Variants in BPI observed in about 807,000 individuals in gnomAD.
BPI encodes the protein bactericidal permeability-increasing protein.
Under a neutral mutation model 57.6 loss-of-function variants are expected in BPI, and 48 were observed. The ratio of observed to expected loss-of-function variants is 0.83; its 90% CI spans 0.66 to 1.06. The LOEUF (loss-of-function observed/expected upper bound fraction) is 1.06, where lower values mean the gene tolerates loss of function less well. Among genes scored for constraint, BPI ranks in the 50% least tolerant of loss-of-function variants. BPI has a pLI of 0.00. For missense variants in BPI, 651 were observed against 609.7 expected, an observed-to-expected ratio of 1.07 and a Z score of -0.71; for synonymous variants, 237 against 238.2, an observed-to-expected ratio of 0.99 and a Z score of 0.05.
At chr20:38,304,789 G>A (rs1187312434) in intron 1 of BPI, among the ~76,000 whole-genome samples, 1 of 152,202 alleles carries the variant, frequency 6.6e-6, no homozygotes, top group Non-Finnish European at 1.5e-5. Context: ...GGGGCTGGCG[G>A]CCATACTGTG....
intron 10 of BPI, among the ~76,000 whole-genome samples, chr20:38,327,303 G>A (rs1339956136): frequency 6.6e-6 from 1 of 152,230 alleles, no homozygotes; most frequent in Non-Finnish European, 1.5e-5. Context: ...TAATGAATGA[G>A]GGATTGTGAG....
At position 38,304,165 on chromosome 20, in the gene BPI, CTCCCTGGT is replaced by C; in HGVS notation, c.-56_-49del. On this transcript the variant is annotated 5_prime_UTR_variant, in exon 1 of 15. Coordinates refer to ENST00000642449, the MANE Select transcript of BPI (RefSeq NM_001725.3). ...ATTTCCCCAGCCGACTCTTTTATAG[CTCCCTGGT>C]TCAACCTCAAGGCCTTGAGGTTTTG... is the stretch of plus-strand genomic sequence containing the variant. 6.2e-7 allele frequency: 1 copy of C among 1,607,358 alleles called. No homozygotes were observed. Among genetic ancestry groups the C allele is most frequent in the South Asian group, 1.1e-5 (1 of 90,932 alleles).
intron 11 of BPI, among the ~76,000 whole-genome samples, chr20:38,329,842 A>G (rs2076733718): frequency 6.6e-6 from 1 of 151,924 alleles, no homozygotes; most frequent in Non-Finnish European, 1.5e-5. Context: ...CCTCCCGTGT[A>G]GCTGGGACTA....
intron 5 of BPI, among the ~76,000 whole-genome samples, chr20:38,314,388 AGATT>A (rs2076639540): frequency 7.6e-6 from 1 of 132,198 alleles, no homozygotes; most frequent in African/African-American, 2.9e-5. Flanking sequence ...GGTGATGGTG[AGATT>A]GATGATGGTG....
chr20:38,309,162 A>G, intron 3 of BPI, 104 bp downstream of exon 3: 1 of 1,526,414 alleles, frequency 6.6e-7, no homozygotes, highest in Non-Finnish European at 9.0e-7. Flanking sequence ...CTTGCCTATT[A>G]CCACCTATAG....
intron 3 of BPI, 96 bp from the exon 4 acceptor site, chr20:38,310,395 G>A (rs1433384763): frequency 4.5e-5 from 65 of 1,437,914 alleles, no homozygotes; most frequent in Non-Finnish European, 4.5e-5. Flanking sequence ...CCTGGAGTGG[G>A]GATAATAACA....
rs1402032414 is a variant in BPI, at chr20:38,337,291, C to A, written c.*107C>A. On this transcript the variant is annotated 3_prime_UTR_variant, in exon 15 of 15. Coordinates refer to ENST00000642449, the MANE Select transcript of BPI (RefSeq NM_001725.3). ...CCTCTCCAGATCTTAACCAAGAGCC[C>A]CTTGCAAACTTCTTCGACTCAGATT... is the stretch of plus-strand genomic sequence containing the variant. The A allele has an allele frequency of 1.5e-5, 14 of 950,816 alleles. No individual in the cohort carries two copies. Among genetic ancestry groups the A allele is most frequent in the Non-Finnish European group, 1.6e-5 (10 of 634,952 alleles). The allele number at this position is 950,816 out of a possible 1,614,324, so 58.9% of individuals were successfully genotyped here.
chr20:38,313,735 G>A (rs1001958139), intron 5 of BPI, among the ~76,000 whole-genome samples: 3 of 151,870 alleles, frequency 2.0e-5, no homozygotes, highest in African/African-American at 7.3e-5. Flanking sequence ...TGATGGTGAT[G>A]GTGAGGATGA....
At chr20:38,336,935 T>G (rs1422620938) in intron 14 of BPI, among the ~76,000 whole-genome samples, 5 of 152,056 alleles carry the variant, frequency 3.3e-5, no homozygotes, top group African/African-American at 1.2e-4. Flanking sequence ...AGGAGGCAGC[T>G]TCCAGGGAAG....
intron 9 of BPI, 100 bp from the exon 10 acceptor site, chr20:38,326,165 G>T (rs1415104247): frequency 1.6e-6 from 2 of 1,218,310 alleles, no homozygotes; most frequent in African/African-American, 3.1e-5. Flanking sequence ...GCAATGGGAA[G>T]ACATTGAAGG....
chr20:38,337,464 T>C lies in BPI; in HGVS notation c.*280T>C. The stretch of plus-strand genomic sequence containing the variant: ...TCAATTGTAACCAAGAAATTTCCAT[T>C]TGTGCTTCATGAAAAAAAACTTCTG... On this transcript the variant is annotated 3_prime_UTR_variant, in exon 15 of 15. Coordinates refer to ENST00000642449, the MANE Select transcript of BPI (RefSeq NM_001725.3). 1 of 344,276 alleles carries C rather than the reference T, an allele frequency of 2.9e-6. No individual in the cohort carries two copies. The highest frequency in any genetic ancestry group is 5.2e-6 in the Non-Finnish European group (1 of 193,610). 21.3% of individuals were successfully genotyped at this position (344,276 alleles called of 1,614,324 possible). A position where few individuals can be genotyped will look rare whatever the true frequency, so the allele number is the denominator to read the frequency against.
intron 7 of BPI, among the ~76,000 whole-genome samples, chr20:38,322,720 C>T (rs1162441060): frequency 2.0e-5 from 3 of 152,198 alleles, no homozygotes; most frequent in Non-Finnish European, 4.4e-5. Context: ...AGGCGATTCT[C>T]CTGCTTCAGC....
chr20:38,313,313 G>A (rs576080679), intron 5 of BPI, among the ~76,000 whole-genome samples: 4 of 150,900 alleles, frequency 2.7e-5, no homozygotes, highest in East Asian at 2.0e-4. Context: ...AACTTGGGAG[G>A]TGGAGGTTGT....
At chr20:38,335,742 A>G (rs1600716223) in intron 14 of BPI, 68 bp downstream of exon 14, 1 of 1,469,548 alleles carries the variant, frequency 6.8e-7, no homozygotes, top group Non-Finnish European at 9.5e-7. Flanking sequence ...TATGGCTGCA[A>G]TGCTTCCTGC....
In BPI at chr20:38,323,932, T is replaced by A; in HGVS notation, c.819T>A (p.Phe273Leu). The change falls in exon 8 of 15, where the codon TTT becomes TTA. Residue 273 changes from phenylalanine (F) to leucine (L), a missense_variant. Phe to Leu is a conservative substitution (Grantham distance 22). Coordinates refer to ENST00000642449, the MANE Select transcript of BPI (RefSeq NM_001725.3). ...PPPFAPPVME[F>L]PAAHDRMVYL... ...CCTTTGCTCCACCAGTGATGGAGTT[T>A]CCCGCTGCCCATGACCGCATGGTAT... The A allele has an allele frequency of 6.2e-7, 1 of 1,614,182 alleles. No homozygotes were observed. The highest frequency in any genetic ancestry group is 8.5e-7 in the Non-Finnish European group (1 of 1,180,032).
chr20:38,332,519 C>A (rs1225745061), intron 12 of BPI, among the ~76,000 whole-genome samples: 1 of 152,130 alleles, frequency 6.6e-6, no homozygotes, highest in Non-Finnish European at 1.5e-5. Flanking sequence ...GCACCCAGCA[C>A]CATACTAGGC....
At chr20:38,304,443 G>C (rs2076587708) in intron 1 of BPI, 90 bp downstream of exon 1, 3 of 1,518,792 alleles carry the variant, frequency 2.0e-6, no homozygotes, top group African/African-American at 1.4e-5. Flanking sequence ...CCAGCACCTG[G>C]CACACTCATA....
At position 38,335,613 on chromosome 20, in the gene BPI, G is replaced by C. The variant is rs372601443; in HGVS notation, c.1352G>C (p.Gly451Ala). 1.9e-6 allele frequency: 3 copies of C among 1,613,934 alleles called. No individual in the cohort carries two copies. The highest frequency in any genetic ancestry group is 2.5e-6 in the Non-Finnish European group (3 of 1,179,984). Residue 451 changes from glycine (G) to alanine (A), a missense_variant, in exon 14 of 15, where the codon GGC becomes GCC. Physicochemically the swap from Gly to Ala is moderately conservative, Grantham distance 60 (BLOSUM62 0). Transcript: ENST00000642449. ...TCTGTCACAGAGAAACTACAGAAAGGCTTCCCTCTCCCGACGCCGGCCAGA... is the reference window on the plus strand; with the variant it reads ...TCTGTCACAGAGAAACTACAGAAAGCCTTCCCTCTCCCGACGCCGGCCAGA... ...LPRVNEKLQKGFPLPTPARVQ... is the reference protein window; with the variant it reads ...LPRVNEKLQKAFPLPTPARVQ...
At chr20:38,309,488 C>T (rs191504712) in intron 3 of BPI, among the ~76,000 whole-genome samples, 12 of 152,274 alleles carry the variant, frequency 7.9e-5, no homozygotes, top group African/African-American at 2.6e-4. Context: ...GTCTCCTCCT[C>T]CTTGGACCAG....
Sources: gnomAD v4.1 joint callset for allele counts (sites outside exome capture counted in the v4.1 genomes callset) on GRCh38, gnomAD v4.1.1 for gene constraint, MANE v1.5 for transcripts, NCBI Gene and HGNC (gene_info 2026-07-23, HGNC 2026-07-21) for gene names.